Variants in ZNF846 observed in about 807,000 individuals in gnomAD.
The protein encoded by ZNF846 is zinc finger protein 420 pseudogene.
Under a neutral mutation model 16.0 loss-of-function variants are expected in ZNF846, and 15 were observed. The ratio of observed to expected loss-of-function variants is 0.94; its 90% CI spans 0.63 to 1.45. The LOEUF (loss-of-function observed/expected upper bound fraction) is 1.45. Among genes scored for constraint, ZNF846 ranks in the 40% most tolerant of loss-of-function variants. The pLI is 0.00. For synonymous variants in ZNF846, 229 were observed against 212.0 expected, an observed-to-expected ratio of 1.08 and a Z score of -0.70; for missense variants, 714 against 622.3, an observed-to-expected ratio of 1.15 and a Z score of -1.57.
chr19:9,756,898 T>C (rs1392092842), downstream of ZNF846: 2 of 151,822 alleles, frequency 1.3e-5, no homozygotes, highest in East Asian at 1.9e-4. Flanking sequence ...ATTTTTGTTA[T>C]GAAAAATAAA....
At position 9,778,803 on chromosome 19, in the gene ZNF846, CAAAAAAAAAAA is replaced by C. The variant is rs56001426; in HGVS notation, c.-86+7124_-86+7134del. 2.5e-3 allele frequency among the ~76,000 whole-genome samples: 127 copies of C among 51,374 alleles called. 1 individual carries two copies. The highest frequency in any genetic ancestry group is 7.4e-3 in the African/African-American group (119 of 16,186). The allele number at this position is 51,374 out of a possible 152,430, so 33.7% of individuals were successfully genotyped here. On this transcript the variant is annotated intron_variant, in intron 1 of 4. Transcript: ENST00000586814. ...GGGCAACAAGAGCGAAAACTCGTCT[CAAAAAAAAAAA>C]AAAAAAAAAAAAAGACGCAAGGTCT... is the stretch of plus-strand genomic sequence containing the variant.
At chr19:9,755,142 G>A (rs999522475), downstream of ZNF846, among the ~76,000 whole-genome samples, 1 of 151,524 alleles carries the variant, frequency 6.6e-6, no homozygotes, top group African/African-American at 2.4e-5. Flanking sequence ...GGAATTAGAA[G>A]CATGGCCTGG....
chr19:9,760,341 G>C (rs1373687791), intron 4 of ZNF846, among the ~76,000 whole-genome samples: 1 of 150,582 alleles, frequency 6.6e-6, no homozygotes, highest in African/African-American at 2.5e-5. Flanking sequence ...AAATGTGGCA[G>C]AGTGAAGAAC....
rs563696809 is a variant in ZNF846, at chr19:9,780,406, C to T, written c.-86+5532G>A. Among the ~76,000 whole-genome samples the T allele has an allele frequency of 5.9e-5, 9 of 152,170 alleles. No homozygotes were observed. In the East Asian group the frequency reaches 1.7e-3, roughly 29 times the overall value. On this transcript the variant is annotated intron_variant, in intron 1 of 4. Transcript: ENST00000586814. ...TTCTCTGAAATGTTTTAAGACTCCA[C>T]TCAAATCTTCTTAAACAGTCTTAAA... is the stretch of plus-strand genomic sequence containing the variant.
chr19:9,774,376 G>C (rs1452924041), intron 1 of ZNF846: 1 of 517,570 alleles, frequency 1.9e-6, no homozygotes, highest in East Asian at 3.7e-5. Flanking sequence ...GCTGAGGCAG[G>C]AGAATGGCGT....
At chr19:9,773,575 A>C (rs2045407495), upstream of ZNF846, among the ~76,000 whole-genome samples, 1 of 152,162 alleles carries the variant, frequency 6.6e-6, no homozygotes, top group African/African-American at 2.4e-5. Context: ...TGAGGTCAGG[A>C]GCTTGAGACC....
At chr19:9,783,591 A>G (rs975224978) in intron 1 of ZNF846, among the ~76,000 whole-genome samples, 3 of 146,962 alleles carry the variant, frequency 2.0e-5, no homozygotes, top group Non-Finnish European at 4.5e-5. Context: ...TTTTGTATAA[A>G]TAATAATGAG....
intron 1 of ZNF846, chr19:9,775,010 G>C: frequency 6.6e-7 from 1 of 1,517,388 alleles, no homozygotes. Flanking sequence ...CCCATGCAGT[G>C]CATTCAGACA....
chr19:9,751,008 G>A (rs185327055), downstream of ZNF846, among the ~76,000 whole-genome samples: 42 of 152,128 alleles, frequency 2.8e-4, no homozygotes, highest in African/African-American at 9.4e-4. Context: ...TCAAAACCTC[G>A]CTAGTCAGGC....
intron 1 of ZNF846, 66 bp from the exon 2 acceptor site, chr19:9,765,101 G>GAGCCACCATGCCTA: frequency 3.5e-6 from 3 of 851,976 alleles, no homozygotes; most frequent in Non-Finnish European, 5.8e-6. Flanking sequence ...GGCTAGGCAT[G>GAGCCACCATGCCTA]GTGGCTCATG....
chr19:9,765,560 C>T (rs1444736444), intron 1 of ZNF846, among the ~76,000 whole-genome samples: 1 of 152,054 alleles, frequency 6.6e-6, no homozygotes. Context: ...GTAGTCCCAG[C>T]AGCTGGGGAG....
intron 1 of ZNF846, chr19:9,774,452 A>G: frequency 5.3e-6 from 4 of 749,084 alleles, no homozygotes; most frequent in African/African-American, 5.3e-5. Context: ...TGGGCAACAG[A>G]GCAAGACTCC....
chr19:9,753,339 C>T (rs1426146452), downstream of ZNF846, among the ~76,000 whole-genome samples: 1 of 150,906 alleles, frequency 6.6e-6, no homozygotes, highest in Non-Finnish European at 1.5e-5. Flanking sequence ...GCAAGCTCTG[C>T]CTCCCAGGTT....
intron 1 of ZNF846, 66 bp from the exon 2 acceptor site, chr19:9,765,101 G>T: frequency 1.2e-6 from 1 of 851,994 alleles, no homozygotes; most frequent in South Asian, 1.4e-5. Flanking sequence ...GGCTAGGCAT[G>T]GTGGCTCATG....
chr19:9,767,928 C>T (rs34942662), intron 1 of ZNF846, among the ~76,000 whole-genome samples: 5,893 of 152,192 alleles, frequency 0.039, 167 homozygotes, highest in Non-Finnish European at 0.059. Context: ...AGCGAAACTC[C>T]GTCTCAAAAT....
downstream of ZNF846, among the ~76,000 whole-genome samples, chr19:9,754,319 C>T (rs771346178): frequency 4.6e-5 from 7 of 151,290 alleles, no homozygotes; most frequent in Non-Finnish European, 8.8e-5. Context: ...AATCCTAGCA[C>T]TTTGGGAGGC....
rs1380871938 is a variant in ZNF846, at chr19:9,759,298, G to T, written c.313-534C>A. ...CAGGCATTAGCCACAATACATCTGA[G>T]AATTATTTAGACTAAATTATGGGCT... On this transcript the variant is annotated intron_variant, in intron 5 of 5. Coordinates refer to ENST00000397902, the Ensembl canonical transcript of ZNF846. Among the ~76,000 whole-genome samples, 7 of 149,656 alleles carry T rather than the reference G, an allele frequency of 4.7e-5. No homozygotes were observed. In the East Asian group the frequency reaches 1.5e-3, roughly 31 times the overall value.
intron 4 of ZNF846, 49 bp from the exon 5 acceptor site, chr19:9,759,991 G>A: frequency 6.7e-7 from 1 of 1,501,900 alleles, no homozygotes; most frequent in Non-Finnish European, 9.2e-7. Flanking sequence ...GTGGAATAAA[G>A]TCGTTTAAAA....
At chr19:9,754,299 T>C (rs909175140), downstream of ZNF846, among the ~76,000 whole-genome samples, 1 of 151,476 alleles carries the variant, frequency 6.6e-6, no homozygotes, top group African/African-American at 2.4e-5. Flanking sequence ...GCGTGATGGC[T>C]CATGCCTGTA....
Sources: gnomAD v4.1 joint callset for allele counts (sites outside exome capture counted in the v4.1 genomes callset) on GRCh38, gnomAD v4.1.1 for gene constraint, MANE v1.5 for transcripts, NCBI Gene and HGNC (gene_info 2026-07-23, HGNC 2026-07-21) for gene names.